The following CCSER1 variants were observed in gnomAD, a reference collection of about 807,000 sequenced individuals.
CCSER1 encodes serine-rich coiled-coil domain-containing protein 1.
In CCSER1, 41 loss-of-function variants were observed where a neutral mutation model predicts 82.0. The ratio of observed to expected loss-of-function variants is 0.50; its 90% CI spans 0.39 to 0.65. The LOEUF is 0.65. Among genes scored for constraint, CCSER1 ranks in the 30% least tolerant of loss-of-function variants. CCSER1 has a pLI of 0.00. For synonymous variants in CCSER1, 414 were observed against 383.9 expected (o/e 1.08, Z -0.92); for missense variants, 1,119 against 1,064.2 (o/e 1.05, Z -0.72).
At position 90,815,738 on chromosome 4, in the gene CCSER1, GCTGT is replaced by G; in HGVS notation, c.2011-21_2011-18del. The G allele has an allele frequency of 1.3e-6, 2 of 1,524,312 alleles. No homozygotes were observed. Among genetic ancestry groups the G allele is most frequent in the Non-Finnish European group, 1.8e-6 (2 of 1,123,480 alleles). The allele number at this position is 1,524,312 out of a possible 1,614,324, so 94.4% of individuals were successfully genotyped here. A position where few individuals can be genotyped will look rare whatever the true frequency, so the allele number is the denominator to read the frequency against. On this transcript the variant is annotated intron_variant, in intron 7 of 10. Coordinates refer to ENST00000509176, the MANE Select transcript of CCSER1 (RefSeq NM_001145065.2). ...AAAGTAAAAGGGCTAAGCCTATTAT[GCTGT>G]CTCTTTGATGTTTTTATAGGATATA...
intron 1 of CCSER1, among the ~76,000 whole-genome samples, chr4:90,230,812 T>C (rs1560839402): frequency 6.6e-6 from 1 of 151,966 alleles, no homozygotes. Context: ...CCCACAGAAA[T>C]ACAAACTACC....
At chr4:91,519,584 C>T (rs1185218888) in intron 10 of CCSER1, among the ~76,000 whole-genome samples, 3 of 152,214 alleles carry the variant, frequency 2.0e-5, no homozygotes, top group South Asian at 2.1e-4. Context: ...CTCTATATAG[C>T]TCTGCATGTC....
At chr4:91,384,858 AATG>A (rs1357236376) in intron 10 of CCSER1, among the ~76,000 whole-genome samples, 11 of 152,064 alleles carry the variant, frequency 7.2e-5, no homozygotes, top group Admixed American at 2.0e-4. Flanking sequence ...TTCAACTTTA[AATG>A]ATGAGAAAAA....
chr4:90,620,856 C>T (rs1041481359), intron 5 of CCSER1, among the ~76,000 whole-genome samples: 37 of 152,138 alleles, frequency 2.4e-4, no homozygotes, highest in Non-Finnish European at 2.9e-5. Flanking sequence ...CTCTGTTGCC[C>T]AGGCTGGAGT....
intron 7 of CCSER1, among the ~76,000 whole-genome samples, chr4:90,741,257 A>G (rs1269648195): frequency 6.6e-6 from 1 of 152,208 alleles, no homozygotes; most frequent in Non-Finnish European, 1.5e-5. Context: ...TATAACCTCA[A>G]TCTTGGTTTG....
At chr4:91,074,852 A>G (rs1721798375) in intron 9 of CCSER1, among the ~76,000 whole-genome samples, 1 of 152,202 alleles carries the variant, frequency 6.6e-6, no homozygotes, top group South Asian at 2.1e-4. Context: ...ACATGTTAAG[A>G]AAAACTGTCA....
intron 9 of CCSER1, among the ~76,000 whole-genome samples, chr4:90,942,359 A>G (rs1731696188): frequency 6.6e-6 from 1 of 152,182 alleles, no homozygotes; most frequent in African/African-American, 2.4e-5. Flanking sequence ...ATGTAAGCAT[A>G]TTATTTTATC....
intron 10 of CCSER1, among the ~76,000 whole-genome samples, chr4:91,244,087 G>A (rs1027473001): frequency 2.0e-5 from 3 of 152,180 alleles, no homozygotes; most frequent in African/African-American, 7.2e-5. Context: ...ACTGATAGAA[G>A]AGTCCTTGAG....
At chr4:91,552,327 C>A (rs538211308) in intron 10 of CCSER1, among the ~76,000 whole-genome samples, 1 of 151,860 alleles carries the variant, frequency 6.6e-6, no homozygotes, top group Admixed American at 6.6e-5. Flanking sequence ...TATTTCCAAA[C>A]ATAAATTACT....
At chr4:90,484,245 G>C (rs1254053299) in intron 5 of CCSER1, among the ~76,000 whole-genome samples, 1 of 152,004 alleles carries the variant, frequency 6.6e-6, no homozygotes, top group Admixed American at 6.6e-5. Context: ...GGACTTCTCT[G>C]TGTTTGTTAT....
chr4:91,106,660 A>G (rs1299613030), intron 10 of CCSER1, among the ~76,000 whole-genome samples: 2 of 152,220 alleles, frequency 1.3e-5, no homozygotes, highest in Non-Finnish European at 1.5e-5. Context: ...TGTCAGGTGC[A>G]TCCATTTGGT....
At position 91,561,502 on chromosome 4, in the gene CCSER1, T is replaced by C. The variant is rs541462885; in HGVS notation, c.2218-37070T>C. Among the ~76,000 whole-genome samples the C allele has an allele frequency of 2.6e-5, 4 of 151,610 alleles. No individual in the cohort carries two copies. In the South Asian group the frequency reaches 8.3e-4, roughly 31 times the overall value. On this transcript the variant is annotated intron_variant, in intron 10 of 10. Transcript: ENST00000509176. ...AGTGAGATTATCCCCTGATCCCTCATGTAGTCATTCTTTAGCTCATTATAC... is the reference window on the plus strand; with the variant it reads ...AGTGAGATTATCCCCTGATCCCTCACGTAGTCATTCTTTAGCTCATTATAC...
intron 9 of CCSER1, among the ~76,000 whole-genome samples, chr4:91,073,732 CT>C (rs1231065099): frequency 6.6e-6 from 1 of 151,972 alleles, no homozygotes; most frequent in Non-Finnish European, 1.5e-5. Context: ...AATTTTTTAA[CT>C]TCTTGAGTAG....
chr4:90,803,826 C>A (rs1482114615), intron 7 of CCSER1, among the ~76,000 whole-genome samples: 2 of 152,170 alleles, frequency 1.3e-5, no homozygotes, highest in Non-Finnish European at 2.9e-5. Context: ...ACACTCCCAC[C>A]AACAGTGTAA....
chr4:91,189,824 AT>A (rs1225467093), intron 10 of CCSER1, among the ~76,000 whole-genome samples: 1 of 152,116 alleles, frequency 6.6e-6, no homozygotes, highest in East Asian at 1.9e-4. Context: ...TTGAATTTTA[AT>A]TTTTGAATAA....
intron 6 of CCSER1, among the ~76,000 whole-genome samples, chr4:90,668,049 G>A (rs1452978451): frequency 6.6e-6 from 1 of 152,140 alleles, no homozygotes; most frequent in African/African-American, 2.4e-5. Flanking sequence ...GGGAAAATAG[G>A]TTATGGTTTA....
At chr4:90,502,135 A>G (rs376539232) in intron 5 of CCSER1, among the ~76,000 whole-genome samples, 132 of 152,278 alleles carry the variant, frequency 8.7e-4, no homozygotes, top group African/African-American at 3.1e-3. Context: ...GCTATCAAGA[A>G]CTACCTGAGA....
chr4:90,838,844 G>A (rs1478617082), intron 8 of CCSER1: 66 of 1,605,130 alleles, frequency 4.1e-5, no homozygotes, highest in Non-Finnish European at 5.5e-5. Context: ...GCTAAAAGAA[G>A]TAAAATAAGA....
intron 5 of CCSER1, among the ~76,000 whole-genome samples, chr4:90,617,526 A>G (rs1721515412): frequency 6.6e-6 from 1 of 152,208 alleles, no homozygotes; most frequent in Non-Finnish European, 1.5e-5. Context: ...AGAAAAATAT[A>G]TTGAAGCACA....
Sources: allele counts gnomAD v4.1 joint callset (sites outside exome capture counted in the v4.1 genomes callset), GRCh38; gene constraint gnomAD v4.1.1; transcripts MANE v1.5; gene names NCBI Gene and HGNC (gene_info 2026-07-23, HGNC 2026-07-21).